Variants in TKFC observed in about 807,000 individuals in gnomAD.
The protein encoded by TKFC is triokinase/FMN cyclase.
Under a neutral mutation model 61.0 loss-of-function variants are expected in TKFC, and 46 were observed. The ratio of observed to expected loss-of-function variants is 0.75; its 90% CI spans 0.60 to 0.96. TKFC has a LOEUF of 0.96. Among genes scored for constraint, TKFC ranks in the 50% least tolerant of loss-of-function variants. TKFC has a pLI of 0.00. For synonymous variants in TKFC, 314 were observed against 330.1 expected (o/e 0.95, Z 0.53); for missense variants, 715 against 777.5 (o/e 0.92, Z 0.96).
intron 5 of TKFC, among the ~76,000 whole-genome samples, chr11:61,340,204 G>A (rs1039962046): frequency 2.6e-5 from 4 of 151,996 alleles, no homozygotes; most frequent in African/African-American, 9.7e-5. Flanking sequence ...TAGAGATGTG[G>A]TTTCACCATG....
At chr11:61,344,364 T>A in intron 13 of TKFC, 91 bp downstream of exon 13, 3 of 1,345,118 alleles carry the variant, frequency 2.2e-6, no homozygotes, top group South Asian at 1.5e-5. Context: ...CCTTCCTTTT[T>A]TTTTTTTTTT....
chr11:61,348,032 G>T lies in TKFC; in HGVS notation c.*1529G>T, dbSNP rs1455696603. ...GCCCAAATTTGGCTGCAGGCTCCCC[G>T]AGTGCCTGGGCTTCTCTACCCAGGG... On this transcript the variant is annotated 3_prime_UTR_variant, in exon 18 of 18. Coordinates refer to ENST00000394900, the MANE Select transcript of TKFC (RefSeq NM_015533.4). 3 of 985,266 alleles carry T rather than the reference G, an allele frequency of 3.0e-6. No individual in the cohort carries two copies. In the African/African-American group the frequency reaches 5.2e-5, roughly 17 times the overall value. 61.0% of individuals were successfully genotyped at this position (985,266 alleles called of 1,614,324 possible).
downstream of TKFC, chr11:61,353,310 C>T (rs1223545955): frequency 1.1e-5 from 9 of 824,684 alleles, no homozygotes; most frequent in South Asian, 1.7e-4. Context: ...GGCCTATTAC[C>T]CAAGCAACAA....
At chr11:61,335,516 G>A (rs1320532875) in intron 2 of TKFC, 1 of 152,330 alleles carries the variant, frequency 6.6e-6, no homozygotes, top group Non-Finnish European at 1.5e-5. Flanking sequence ...CTTGGAGTGA[G>A]GCCAACTCAC....
Position 61,346,972 on chromosome 11 carries a change from C to A in TKFC, c.*469C>A. 1.0e-6 allele frequency: 1 copy of A among 987,430 alleles called. No individual in the cohort carries two copies. The highest frequency in any genetic ancestry group is 1.2e-6 in the Non-Finnish European group (1 of 831,220). The allele number at this position is 987,430 out of a possible 1,614,324, so 61.2% of individuals were successfully genotyped here. On this transcript the variant is annotated 3_prime_UTR_variant, in exon 18 of 18. Coordinates refer to ENST00000394900, the MANE Select transcript of TKFC (RefSeq NM_015533.4). The surrounding 1 kb of genome is among the most constrained non-coding windows in gnomAD (Gnocchi z 4.1). Reference sequence around the variant, plus strand: ...TTTCCCAAGCATGTAAACAAGGGGGCCCACAGCCCTGGCTGCAGGCATCAT... The same window carrying A: ...TTTCCCAAGCATGTAAACAAGGGGGACCACAGCCCTGGCTGCAGGCATCAT...
At chr11:61,341,572 C>T (rs1465185909) in intron 6 of TKFC, 58 bp downstream of exon 6, 2 of 1,531,298 alleles carry the variant, frequency 1.3e-6, no homozygotes, top group East Asian at 2.4e-5. Context: ...AGCCCTGGGG[C>T]GAGGAGCAGG....
chr11:61,347,713 T>A lies in TKFC; in HGVS notation c.*1210T>A, dbSNP rs763119082. 8.1e-6 allele frequency: 8 copies of A among 985,264 alleles called. No individual in the cohort carries two copies. The highest frequency in any genetic ancestry group is 1.2e-4 in the Admixed American group (2 of 16,282). The allele number at this position is 985,264 out of a possible 1,614,324, so 61.0% of individuals were successfully genotyped here. A position where few individuals can be genotyped will look rare whatever the true frequency, so the allele number is the denominator to read the frequency against. ...GTGGTTAAAGGCACTGGCTGTCGACTCATACACATGATCTGAAATCTGATT... is the reference window on the plus strand; with the variant it reads ...GTGGTTAAAGGCACTGGCTGTCGACACATACACATGATCTGAAATCTGATT... On this transcript the variant is annotated 3_prime_UTR_variant, in exon 18 of 18. Transcript: ENST00000394900.
Position 61,341,466 on chromosome 11 carries a change from G to A in TKFC, c.517G>A (p.Gly173Arg). 1.3e-6 allele frequency: 2 copies of A among 1,554,980 alleles called. No individual in the cohort carries two copies. Among genetic ancestry groups the A allele is most frequent in the Non-Finnish European group, 1.7e-6 (2 of 1,148,636 alleles). Residue 173 changes from glycine to arginine, a missense_variant, in exon 6 of 18, where the codon GGG (glycine) becomes AGG (arginine). Gly to Arg is a moderately radical substitution (Grantham distance 125, BLOSUM62 -2). Coordinates refer to ENST00000394900, the MANE Select transcript of TKFC (RefSeq NM_015533.4). ...VAGALAEAGV[G>R]LEEIAKQVNV... is the part of the protein sequence containing the mutation. ...AGGTGCTCTGGCTGAGGCTGGTGTG[G>A]GGCTGGAGGAGATCGCAAAGCAGGT...
chr11:61,341,716 G>A (rs1856862119), intron 6 of TKFC, 107 bp from the exon 7 acceptor site: 7 of 1,313,700 alleles, frequency 5.3e-6, no homozygotes, highest in Middle Eastern at 1.8e-4. Context: ...GCCTTTCTCA[G>A]AGAAGAGGGT....
chr11:61,345,391 T>C, intron 14 of TKFC, 25 bp downstream of exon 14: 1 of 1,598,284 alleles, frequency 6.3e-7, no homozygotes, highest in Non-Finnish European at 8.6e-7. Flanking sequence ...GCTGAAGGGC[T>C]GACAGGGAGG....
rs767534898 is a variant in TKFC at position 61,346,279 on chromosome 11, G to C, written c.1576-72G>C. The C allele has an allele frequency of 1.9e-6, 3 of 1,604,264 alleles. No individual in the cohort carries two copies. The South Asian group carries it at 3.3e-5, about 18-fold the overall frequency. ...CAGGGCCAGGCTGCACGGCAGAGAC[G>C]TTCTGCCCATGGCAGGAAGGAGGCG... On this transcript the variant is annotated intron_variant, in intron 17 of 17. Coordinates refer to ENST00000394900, the MANE Select transcript of TKFC (RefSeq NM_015533.4). This position sits in a 1 kb window ranked among gnomAD's most constrained non-coding sequence, Gnocchi z 4.1.
At position 61,346,471 on chromosome 11, in the gene TKFC, C is replaced by G. The variant is rs903580419; in HGVS notation, c.1696C>G (p.Leu566Val). 32 of 1,609,208 alleles carry G rather than the reference C, an allele frequency of 2.0e-5. No individual in the cohort carries two copies. The highest frequency in any genetic ancestry group is 2.6e-5 in the Non-Finnish European group (31 of 1,179,094). Reference protein sequence around the residue: ...DPGAVAAAAILRAILEVLQS With the variant: ...DPGAVAAAAIVRAILEVLQS ...CGGGGCGGTGGCAGCTGCTGCCATCCTCCGGGCCATCTTGGAGGTCTTGCA... is the reference window on the plus strand; with the variant it reads ...CGGGGCGGTGGCAGCTGCTGCCATCGTCCGGGCCATCTTGGAGGTCTTGCA... Residue 566 changes from leucine (L) to valine (V), a missense_variant, in exon 18 of 18, where the codon CTC (leucine) becomes GTC (valine). Coordinates refer to ENST00000394900, the MANE Select transcript of TKFC (RefSeq NM_015533.4). This position sits in a 1 kb window ranked among gnomAD's most constrained non-coding sequence, Gnocchi z 4.1.
chr11:61,347,538 CAAAAAAA>C lies in TKFC; in HGVS notation c.*1051_*1057del, dbSNP rs10594002. On this transcript the variant is annotated 3_prime_UTR_variant, in exon 18 of 18. Transcript: ENST00000394900. ...TGGGCAACAAAGCGAGACCCTGTCTCAAAAAAAAAAAAAAAAAAAAAAGAAACTGCAG... is the reference window on the plus strand; with the variant it reads ...TGGGCAACAAAGCGAGACCCTGTCTCAAAAAAAAAAAAAAAGAAACTGCAG... 22 of 876,536 alleles carry C rather than the reference CAAAAAAA, an allele frequency of 2.5e-5. No individual in the cohort carries two copies. In the African/African-American group the frequency reaches 4.4e-4, roughly 17 times the overall value. 54.3% of individuals were successfully genotyped at this position (876,536 alleles called of 1,614,324 possible).
chr11:61,349,747 G>GC, downstream of TKFC: 1 of 668,188 alleles, frequency 1.5e-6, no homozygotes, highest in Non-Finnish European at 2.8e-6. Flanking sequence ...AGCTGCGTGG[G>GC]CCGCCACTCC....
chr11:61,344,198 GAGGA>G lies in TKFC; in HGVS notation c.1167_1170del (p.Glu389AspfsTer3), dbSNP rs1412978238. On this transcript the variant is annotated frameshift_variant, in exon 13 of 18. Transcript: ENST00000394900. LOFTEE classifies it high-confidence loss of function. ...GGTGTGCAGCACTCTCCTGGGCCTG[GAGGA>G]ACACCTGAATGCCCTGGACCGGGCT... 1 of 1,612,616 alleles carries G rather than the reference GAGGA, an allele frequency of 6.2e-7. No individual in the cohort carries two copies. The highest frequency in any genetic ancestry group is 8.5e-7 in the Non-Finnish European group (1 of 1,180,034).
chr11:61,342,388 T>G, intron 7 of TKFC, 73 bp from the exon 8 acceptor site: 15 of 1,596,988 alleles, frequency 9.4e-6, no homozygotes, highest in Non-Finnish European at 1.3e-5. Flanking sequence ...CAGCACTGTG[T>G]GAGTCCTTGA....
intron 3 of TKFC, among the ~76,000 whole-genome samples, chr11:61,338,696 A>T (rs1856718812): frequency 6.6e-6 from 1 of 152,236 alleles, no homozygotes; most frequent in African/African-American, 2.4e-5. Context: ...GGGATACCAG[A>T]CAGGCAAGGT....
At chr11:61,350,979 T>C (rs775329983), downstream of TKFC, 13 of 1,610,548 alleles carry the variant, frequency 8.1e-6, no homozygotes, top group South Asian at 1.2e-4. Context: ...AATGTGGGAC[T>C]GGAACCCATA....
chr11:61,353,281 G>A (rs555813458), downstream of TKFC: 52 of 1,082,638 alleles, frequency 4.8e-5, no homozygotes, highest in East Asian at 4.9e-4. Context: ...GCCCACTACC[G>A]TGCTAGCTTC....
Sources: gnomAD v4.1 joint callset for allele counts (sites outside exome capture counted in the v4.1 genomes callset) on GRCh38, gnomAD v4.1.1 for gene constraint, Gnocchi (gnomAD v3.1) non-coding constraint, MANE v1.5 for transcripts, NCBI Gene and HGNC (gene_info 2026-07-23, HGNC 2026-07-21) for gene names.